The following TNRC6A variants were observed in gnomAD, a reference collection of about 807,000 sequenced individuals.
The protein encoded by TNRC6A is trinucleotide repeat-containing gene 6A protein.
Under a neutral mutation model 221.2 loss-of-function variants are expected in TNRC6A, and 44 were observed. The observed-to-expected ratio is 0.20, with a 90% CI of 0.16 to 0.26. TNRC6A has a LOEUF of 0.26. Among genes scored for constraint, TNRC6A ranks in the 10% least tolerant of loss-of-function variants. The pLI, the probability that TNRC6A is intolerant of heterozygous loss-of-function variation, is 1.00. For missense variants in TNRC6A, 2,199 were observed against 2,404.4 expected, an observed-to-expected ratio of 0.91 and a Z score of 1.79; for synonymous variants, 847 against 838.5, an observed-to-expected ratio of 1.01 and a Z score of -0.18.
At chr16:24,664,451 T>C (rs1330143985) in intron 2 of TNRC6A, among the ~76,000 whole-genome samples, 1 of 144,204 alleles carries the variant, frequency 6.9e-6, no homozygotes, top group African/African-American at 2.5e-5. Flanking sequence ...ATAAAAATAA[T>C]ATATTTTATT....
chr16:24,677,270 C>T (rs1016956654), intron 2 of TNRC6A, among the ~76,000 whole-genome samples: 6 of 150,770 alleles, frequency 4.0e-5, no homozygotes, highest in African/African-American at 1.2e-4. Flanking sequence ...TCAAGTGATT[C>T]TCATGCCTCA....
At chr16:24,678,099 C>A (rs943565220) in intron 2 of TNRC6A, among the ~76,000 whole-genome samples, 2 of 151,998 alleles carry the variant, frequency 1.3e-5, no homozygotes, top group Admixed American at 6.6e-5. Flanking sequence ...TGCCTGAGCT[C>A]AGGAGTTCAA....
chr16:24,626,233 C>T (rs1241759898), intron 1 of TNRC6A, among the ~76,000 whole-genome samples: 1 of 151,980 alleles, frequency 6.6e-6, no homozygotes, highest in Admixed American at 6.6e-5. Flanking sequence ...AATGTGCCAC[C>T]AGGTTTCAGA....
chr16:24,725,636 T>C (rs564216448), upstream of TNRC6A, among the ~76,000 whole-genome samples: 1 of 151,984 alleles, frequency 6.6e-6, no homozygotes, highest in African/African-American at 2.4e-5. Context: ...TTTTACACTT[T>C]CTTAGAGCAA....
At chr16:24,706,979 T>TTTATTTATTTA (rs1555492075) in intron 2 of TNRC6A, among the ~76,000 whole-genome samples, 3,025 of 140,462 alleles carry the variant, frequency 0.022, 90 homozygotes, top group East Asian at 0.14. Context: ...ATTTATCTAT[T>TTTATTTATTTA]TTTATTTATG....
At chr16:24,727,804 A>G (rs2056517285), upstream of TNRC6A, among the ~76,000 whole-genome samples, 1 of 152,210 alleles carries the variant, frequency 6.6e-6, no homozygotes, top group South Asian at 2.1e-4. Flanking sequence ...TTTAAGTAGA[A>G]AGGATTATGA....
chr16:24,613,538 T>C (rs1900187443), intron 1 of TNRC6A, among the ~76,000 whole-genome samples: 1 of 148,276 alleles, frequency 6.7e-6, no homozygotes, highest in Admixed American at 6.9e-5. Flanking sequence ...TATTTACTTA[T>C]TTATTTAGAG....
chr16:24,790,498 A>G lies in TNRC6A; in HGVS notation c.1856A>G (p.Lys619Arg). The G allele has an allele frequency of 6.2e-7, 1 of 1,614,240 alleles. No homozygotes were observed. Among genetic ancestry groups the G allele is most frequent in the Non-Finnish European group, 8.5e-7 (1 of 1,180,040 alleles). ...GTNLPSVEWN[K>R]LPSNQHSNDS... Reference sequence around the variant, plus strand: ...AATTTACCCAGCGTTGAGTGGAACAAACTGCCTAGCAATCAGCATTCCAAT... The same window carrying G: ...AATTTACCCAGCGTTGAGTGGAACAGACTGCCTAGCAATCAGCATTCCAAT... Residue 619 changes from lysine to arginine, a missense_variant, in exon 6 of 25, where the codon AAA becomes AGA. This residue lies in a region of TNRC6A where 1,405 missense variants were observed against 1,400.2 expected (regional missense o/e 1.00). Transcript: ENST00000395799.
upstream of TNRC6A, among the ~76,000 whole-genome samples, chr16:24,728,487 A>G (rs1335338924): frequency 6.6e-6 from 1 of 151,786 alleles, no homozygotes; most frequent in African/African-American, 2.4e-5. Flanking sequence ...AAAAAAAGCC[A>G]GTTGAAGAAC....
At chr16:24,701,432 T>C (rs1165036450) in intron 2 of TNRC6A, among the ~76,000 whole-genome samples, 1 of 151,788 alleles carries the variant, frequency 6.6e-6, no homozygotes, top group East Asian at 1.9e-4. Flanking sequence ...ATGGCCATGA[T>C]CTCAGCTCAC....
At chr16:24,747,100 G>GT (rs1049471775) in intron 2 of TNRC6A, among the ~76,000 whole-genome samples, 1 of 151,998 alleles carries the variant, frequency 6.6e-6, no homozygotes, top group Non-Finnish European at 1.5e-5. Flanking sequence ...TGATCTATTT[G>GT]TTTTTTCAGA....
chr16:24,618,821 G>A (rs911281390), intron 1 of TNRC6A, among the ~76,000 whole-genome samples: 18 of 151,166 alleles, frequency 1.2e-4, no homozygotes, highest in African/African-American at 4.4e-4. Flanking sequence ...GTAGAGATGG[G>A]GTTTCACCAT....
At chr16:24,689,141 C>T (rs1317862041) in intron 2 of TNRC6A, among the ~76,000 whole-genome samples, 4 of 152,152 alleles carry the variant, frequency 2.6e-5, no homozygotes, top group South Asian at 4.1e-4. Flanking sequence ...CTGGTGTAAA[C>T]GTAACGAACT....
chr16:24,617,025 C>T (rs540813523), intron 1 of TNRC6A, among the ~76,000 whole-genome samples: 1 of 152,168 alleles, frequency 6.6e-6, no homozygotes, highest in South Asian at 2.1e-4. Flanking sequence ...CCTTCTTGAT[C>T]TTTTGTGTGT....
intron 2 of TNRC6A, among the ~76,000 whole-genome samples, chr16:24,733,765 G>A (rs998051515): frequency 2.0e-5 from 3 of 152,310 alleles, no homozygotes; most frequent in East Asian, 1.9e-4. Context: ...TTTTTGTTGC[G>A]TACTGATGTG....
At chr16:24,696,107 G>A (rs1042267596) in intron 2 of TNRC6A, among the ~76,000 whole-genome samples, 1 of 152,070 alleles carries the variant, frequency 6.6e-6, no homozygotes, top group African/African-American at 2.4e-5. Flanking sequence ...CCAGCACTTT[G>A]GGAGGCCGAG....
At chr16:24,640,802 A>T (rs1901912495) in intron 1 of TNRC6A, 1 of 152,168 alleles carries the variant, frequency 6.6e-6, no homozygotes, top group East Asian at 1.9e-4. Context: ...ATAGGCAAAT[A>T]GGCATCACTG....
intron 2 of TNRC6A, among the ~76,000 whole-genome samples, chr16:24,735,036 C>G (rs1375466496): frequency 6.6e-6 from 1 of 152,222 alleles, no homozygotes; most frequent in Admixed American, 6.5e-5. Flanking sequence ...AATCCCAGCA[C>G]TTTGGGAGAC....
At chr16:24,730,171 C>A in intron 1 of TNRC6A, 82 bp from the exon 2 acceptor site, 1 of 1,307,446 alleles carries the variant, frequency 7.6e-7, no homozygotes, top group Non-Finnish European at 1.0e-6. Context: ...CGAGCCTCTG[C>A]CGCAGCAGCT....
Sources: allele counts gnomAD v4.1 joint callset (sites outside exome capture counted in the v4.1 genomes callset), GRCh38; gene constraint gnomAD v4.1.1; regional missense constraint gnomAD v4.1.1; transcripts MANE v1.5; gene names NCBI Gene and HGNC (gene_info 2026-07-23, HGNC 2026-07-21).